ITIH4: variants seen among roughly 807,000 people sequenced by gnomAD.
ITIH4 encodes the protein inter-alpha-trypsin inhibitor heavy chain H4.
ITIH4 carries 79 observed loss-of-function variants against 111.8 expected under a neutral mutation model. The observed-to-expected ratio is 0.71, with a 90% confidence interval of 0.59 to 0.85. The LOEUF (loss-of-function observed/expected upper bound fraction) is 0.85, where lower values mean the gene tolerates loss of function less well. Ranked by LOEUF, ITIH4 falls within the 40% of genes least tolerant of loss-of-function variation. ITIH4 has a pLI of 0.00. For synonymous variants in ITIH4, 472 were observed against 468.3 expected, an observed-to-expected ratio of 1.01 and a Z score of -0.10; for missense variants, 1,065 against 1,195.8, an observed-to-expected ratio of 0.89 and a Z score of 1.61.
intron 11 of ITIH4, among the ~76,000 whole-genome samples, chr3:52,822,016 G>A (rs1700389618): frequency 6.6e-6 from 1 of 152,220 alleles, no homozygotes; most frequent in African/African-American, 2.4e-5. Flanking sequence ...CTTTAAGTAA[G>A]CTAACAATTT....
Position 52,826,091 on chromosome 3 carries a change from A to G in ITIH4, c.631-77T>C, listed in dbSNP as rs994034234. On this transcript the variant is annotated intron_variant, in intron 5 of 23. Coordinates refer to ENST00000266041, the MANE Select transcript of ITIH4 (RefSeq NM_002218.5). Reference sequence around the variant, plus strand: ...CAACACCCTCTACCCCTGTCTGTATATTGGGAAATCAGAATTCCAGGATGC... The same window carrying G: ...CAACACCCTCTACCCCTGTCTGTATGTTGGGAAATCAGAATTCCAGGATGC... The G allele has an allele frequency of 3.8e-6, 6 of 1,570,858 alleles. No homozygotes were observed. The East Asian group carries it at 9.0e-5, about 24-fold the overall frequency.
At chr3:52,820,338 G>A in intron 13 of ITIH4, 21 bp from the exon 14 acceptor site, 1 of 1,612,540 alleles carries the variant, frequency 6.2e-7, no homozygotes, top group Non-Finnish European at 8.5e-7. Flanking sequence ...CAAAGAGAGA[G>A]AGAGAGACAG....
intron 2 of ITIH4, among the ~76,000 whole-genome samples, chr3:52,828,288 G>A (rs1456975445): frequency 6.6e-6 from 1 of 152,238 alleles, no homozygotes; most frequent in Non-Finnish European, 1.5e-5. Context: ...ACAGCCCGTG[G>A]GGCTTGCACT....
chr3:52,829,084 G>T, intron 2 of ITIH4, 35 bp downstream of exon 2: 1 of 1,536,162 alleles, frequency 6.5e-7, no homozygotes. Context: ...GCACTGGGGG[G>T]TGTGGAGAGG....
In ITIH4 at chr3:52,829,107, G is replaced by GGGGGGGGA; in HGVS notation, c.251+11_251+12insTCCCCCCC. On this transcript the variant is annotated intron_variant, in intron 2 of 23. Transcript: ENST00000266041. Reference sequence around the variant, plus strand: ...GGGTGTGGAGAGGGGAGGAGGGTGGGAAGGCACCTACATGGAGAAGTTGGT... The same window carrying GGGGGGGGA: ...GGGTGTGGAGAGGGGAGGAGGGTGGGGGGGGGGAAAGGCACCTACATGGAGAAGTTGGT... The GGGGGGGGA allele has an allele frequency of 1.2e-6, 1 of 835,120 alleles. No individual in the cohort carries two copies. The highest frequency in any genetic ancestry group is 1.9e-6 in the Non-Finnish European group (1 of 522,616). 51.7% of individuals were successfully genotyped at this position (835,120 alleles called of 1,614,324 possible).
chr3:52,830,360 C>A, intron 1 of ITIH4, 193 bp downstream of exon 1: 1 of 686,646 alleles, frequency 1.5e-6, no homozygotes, highest in African/African-American at 1.8e-5. Context: ...ATTGGATCAT[C>A]CCCTCTATTA....
intron 23 of ITIH4, 110 bp from the exon 24 acceptor site, chr3:52,813,600 T>C: frequency 1.0e-6 from 1 of 958,186 alleles, no homozygotes; most frequent in Non-Finnish European, 1.7e-6. Context: ...AGTCCTGGCG[T>C]CCCTTTAGAA....
rs200311855 is a variant in ITIH4, at chr3:52,814,371, A to G, written c.2472-8T>C. On this transcript the variant is annotated splice_region_variant and splice_polypyrimidine_tract_variant and intron_variant, in intron 21 of 23. Transcript: ENST00000266041. ...TCCATGGTCATCTTCAGGCTGTGGA[A>G]AGACCCAGTGTCTTGAGCAGGAAGG... is the stretch of plus-strand genomic sequence containing the variant. 6.2e-7 allele frequency: 1 copy of G among 1,613,652 alleles called. No individual in the cohort carries two copies. The highest frequency in any genetic ancestry group is 8.5e-7 in the Non-Finnish European group (1 of 1,179,686).
Position 52,820,333 on chromosome 3 carries a change from AG to A in ITIH4, c.1835-17del. On this transcript the variant is annotated splice_polypyrimidine_tract_variant and intron_variant, in intron 13 of 23. Transcript: ENST00000266041. ...TTTCTACTTTCTGGATAAAACAAAG[AG>A]AGAGAGAGAGACAGACAGACAGAGA... 1 of 1,611,728 alleles carries A rather than the reference AG, an allele frequency of 6.2e-7. No individual in the cohort carries two copies. The highest frequency in any genetic ancestry group is 1.3e-5 in the African/African-American group (1 of 74,980).
chr3:52,824,217 G>A lies in ITIH4; in HGVS notation c.1144C>T (p.Leu382=). 6.2e-7 allele frequency: 1 copy of A among 1,613,436 alleles called. No individual in the cohort carries two copies. Among genetic ancestry groups the A allele is most frequent in the Non-Finnish European group, 8.5e-7 (1 of 1,180,018 alleles). Residue 382 remains leucine, a synonymous_variant, in exon 9 of 24, where the codon CTG becomes TTG. Transcript: ENST00000266041. This position sits in a 1 kb window ranked among gnomAD's most constrained non-coding sequence, Gnocchi z 4.3. ...ACAGTGGGGTCGCCATCGGTGAGCA[G>A]GATGATGAGTGAGACACTCCCTTCG... ...LPEGSVSLII[L]LTDGDPTVGE...
At chr3:52,825,834 TG>T in intron 6 of ITIH4, 51 bp downstream of exon 6, 2 of 1,574,656 alleles carry the variant, frequency 1.3e-6, no homozygotes, top group African/African-American at 1.4e-5. Flanking sequence ...CTCAGGCCCT[TG>T]GGGGTGGACA....
At chr3:52,829,583 G>A (rs993986598) in intron 1 of ITIH4, among the ~76,000 whole-genome samples, 3 of 152,224 alleles carry the variant, frequency 2.0e-5, no homozygotes, top group Non-Finnish European at 4.4e-5. Flanking sequence ...TGCAGGGGGT[G>A]GAGCTGGTGA....
At position 52,826,152 on chromosome 3, in the gene ITIH4, G is replaced by C; in HGVS notation, c.631-138C>G. 2 of 1,249,854 alleles carry C rather than the reference G, an allele frequency of 1.6e-6. 1 individual carries two copies. The highest frequency in any genetic ancestry group is 3.0e-5 in the South Asian group (2 of 66,454). 77.4% of individuals were successfully genotyped at this position (1,249,854 alleles called of 1,614,324 possible). A position where few individuals can be genotyped will look rare whatever the true frequency, so the allele number is the denominator to read the frequency against. ...CCGTATTCCAGGGCACTTTCTTTCA[G>C]GCTGAGTTATTGATGGACCACTTTC... On this transcript the variant is annotated intron_variant, in intron 5 of 23. Coordinates refer to ENST00000266041, the MANE Select transcript of ITIH4 (RefSeq NM_002218.5).
chr3:52,820,449 A>C (rs965276342), intron 13 of ITIH4, 132 bp from the exon 14 acceptor site: 16 of 1,195,874 alleles, frequency 1.3e-5, no homozygotes, highest in Non-Finnish European at 1.9e-5. Flanking sequence ...TCGTAGGTGC[A>C]ATGAATTTGG....
At position 52,823,567 on chromosome 3, in the gene ITIH4, T is replaced by C. The variant is rs1455742620; in HGVS notation, c.1528A>G (p.Ser510Gly). The change falls in exon 11 of 24, where the codon AGT becomes GGT. Residue 510 changes from serine to glycine, a missense_variant. By Grantham distance (56) the Ser-to-Gly change is moderately conservative. Transcript: ENST00000266041. ...RGPDVLTATV[S>G]GKLPTQNITF... ...TTGGCCACACTCACCAGCTTCCCACTGACTGTGGCTGTGAGCACATCAGGC... is the reference window on the plus strand; with the variant it reads ...TTGGCCACACTCACCAGCTTCCCACCGACTGTGGCTGTGAGCACATCAGGC... 1 of 1,608,228 alleles carries C rather than the reference T, an allele frequency of 6.2e-7. No homozygotes were observed. Among genetic ancestry groups the C allele is most frequent in the Non-Finnish European group, 8.5e-7 (1 of 1,177,490 alleles).
Position 52,817,112 on chromosome 3 carries a change from C to T in ITIH4, c.2297-54G>A, listed in dbSNP as rs746928181. The T allele has an allele frequency of 1.3e-4, 192 of 1,510,608 alleles. 1 individual carries two copies. Among genetic ancestry groups the T allele is most frequent in the East Asian group, 3.0e-4 (13 of 44,042 alleles). 93.6% of individuals were successfully genotyped at this position (1,510,608 alleles called of 1,614,324 possible). On this transcript the variant is annotated intron_variant, in intron 20 of 23. Coordinates refer to ENST00000266041, the MANE Select transcript of ITIH4 (RefSeq NM_002218.5). ...GCTGGGCCCCAGCCAGGTCTGACAC[C>T]GACCTGCATGGGGAGTCCCCCCTGA...
intron 21 of ITIH4, 115 bp downstream of exon 21, chr3:52,816,769 T>C (rs2710321): frequency 0.041 from 39,566 of 972,798 alleles, 5,725 homozygotes; most frequent in African/African-American, 0.36. Flanking sequence ...GCCCCTCCTG[T>C]GAGTGTAGCT....
intron 13 of ITIH4, 90 bp downstream of exon 13, chr3:52,820,541 G>A: frequency 6.8e-7 from 1 of 1,464,790 alleles, no homozygotes; most frequent in Non-Finnish European, 9.3e-7. Context: ...GGCACGGTTG[G>A]GGTCTTGGTC....
At chr3:52,813,630 A>G (rs1044874173) in intron 23 of ITIH4, 140 bp from the exon 24 acceptor site, 2 of 755,014 alleles carry the variant, frequency 2.6e-6, no homozygotes, top group East Asian at 2.6e-5. Flanking sequence ...GCATAGGCCA[A>G]CAAGGCCCAG....
Sources: gnomAD v4.1 joint callset for allele counts (sites outside exome capture counted in the v4.1 genomes callset) on GRCh38, gnomAD v4.1.1 for gene constraint, Gnocchi (gnomAD v3.1) non-coding constraint, MANE v1.5 for transcripts, NCBI Gene and HGNC (gene_info 2026-07-23, HGNC 2026-07-21) for gene names.